The following RFTN2 variants were observed in gnomAD, a reference collection of about 807,000 sequenced individuals.
The protein encoded by RFTN2 is raftlin family member 2.
RFTN2 carries 34 observed loss-of-function variants against 52.7 expected under a neutral mutation model. The observed-to-expected ratio is 0.64, with a 90% CI of 0.49 to 0.86. RFTN2 has a LOEUF of 0.86. Among genes scored for constraint, RFTN2 ranks in the 40% least tolerant of loss-of-function variants. The pLI is 0.00. For synonymous variants in RFTN2, 203 were observed against 217.7 expected, an observed-to-expected ratio of 0.93 and a Z score of 0.59; for missense variants, 536 against 600.1, an observed-to-expected ratio of 0.89 and a Z score of 1.12.
intron 7 of RFTN2, among the ~76,000 whole-genome samples, chr2:197,608,471 G>A (rs992151100): frequency 6.6e-6 from 1 of 151,446 alleles, no homozygotes; most frequent in African/African-American, 2.4e-5. Flanking sequence ...ACCACCACGC[G>A]CAGCTAATTT....
intron 4 of RFTN2, among the ~76,000 whole-genome samples, chr2:197,632,906 C>T (rs2088489948): frequency 6.6e-6 from 1 of 152,180 alleles, no homozygotes; most frequent in Non-Finnish European, 1.5e-5. Flanking sequence ...TTATTCTGTA[C>T]CAGGCACTGG....
chr2:197,602,543 C>T (rs1250470753), intron 7 of RFTN2, among the ~76,000 whole-genome samples: 1 of 144,068 alleles, frequency 6.9e-6, no homozygotes, highest in Non-Finnish European at 1.5e-5. Flanking sequence ...AAGCCAAGAT[C>T]TTTTTTTTTT....
At chr2:197,592,544 A>G (rs1225578299) in intron 8 of RFTN2, among the ~76,000 whole-genome samples, 1 of 152,246 alleles carries the variant, frequency 6.6e-6, no homozygotes, top group African/African-American at 2.4e-5. Flanking sequence ...CTATCAGCCC[A>G]TGAAATCTAT....
intron 5 of RFTN2, among the ~76,000 whole-genome samples, chr2:197,622,150 G>A (rs1456153224): frequency 2.6e-5 from 4 of 152,086 alleles, no homozygotes; most frequent in Non-Finnish European, 5.9e-5. Context: ...AACAGAGGTT[G>A]GTTCATGAAG....
chr2:197,658,451 TG>T (rs1222007639), intron 1 of RFTN2, among the ~76,000 whole-genome samples: 6 of 78,718 alleles, frequency 7.6e-5, no homozygotes, highest in Non-Finnish European at 1.4e-4. Flanking sequence ...TTTGTATTAT[TG>T]TTTTTTTTTT....
intron 1 of RFTN2, among the ~76,000 whole-genome samples, chr2:197,667,581 G>T (rs1019959889): frequency 2.0e-5 from 3 of 152,150 alleles, no homozygotes; most frequent in African/African-American, 7.2e-5. Context: ...TTTTTGAACT[G>T]CTTTTGTGGA....
chr2:197,666,238 C>T (rs2089055514), intron 1 of RFTN2, among the ~76,000 whole-genome samples: 1 of 152,138 alleles, frequency 6.6e-6, no homozygotes, highest in Non-Finnish European at 1.5e-5. Flanking sequence ...GTGTTTGCCA[C>T]CATGCCTAGC....
intron 8 of RFTN2, among the ~76,000 whole-genome samples, chr2:197,594,811 C>G (rs903881326): frequency 6.6e-6 from 1 of 152,172 alleles, no homozygotes; most frequent in African/African-American, 2.4e-5. Flanking sequence ...TACCTACTGA[C>G]CCAGCCAGCC....
chr2:197,669,323 A>G (rs1574757678), intron 1 of RFTN2, among the ~76,000 whole-genome samples: 1 of 149,272 alleles, frequency 6.7e-6, no homozygotes, highest in African/African-American at 2.5e-5. Context: ...GAGTATTTGT[A>G]TATCTTGTCT....
At chr2:197,639,964 G>A (rs556982059) in intron 3 of RFTN2, among the ~76,000 whole-genome samples, 75 of 152,030 alleles carry the variant, frequency 4.9e-4, no homozygotes, top group Admixed American at 1.0e-3. Flanking sequence ...TAACAGACAG[G>A]ACCCTCAGAT....
intron 1 of RFTN2, among the ~76,000 whole-genome samples, chr2:197,663,601 G>A (rs191137327): frequency 4.6e-5 from 7 of 152,216 alleles, no homozygotes; most frequent in African/African-American, 1.4e-4. Context: ...TAGGTTTTAC[G>A]GTTTGTTAGT....
chr2:197,617,051 A>C (rs1458792183), intron 6 of RFTN2, among the ~76,000 whole-genome samples: 2 of 152,210 alleles, frequency 1.3e-5, no homozygotes, highest in Non-Finnish European at 2.9e-5. Context: ...TGTGAAGGAC[A>C]ATGCTGTGTG....
At chr2:197,575,089 G>C (rs2087390067) in intron 8 of RFTN2, among the ~76,000 whole-genome samples, 3 of 152,114 alleles carry the variant, frequency 2.0e-5, no homozygotes, top group Admixed American at 2.0e-4. Flanking sequence ...TGAATCATGG[G>C]GGTGGGTCTT....
intron 3 of RFTN2, among the ~76,000 whole-genome samples, chr2:197,637,706 T>C (rs1472512063): frequency 6.6e-6 from 1 of 150,754 alleles, no homozygotes; most frequent in Non-Finnish European, 1.5e-5. Flanking sequence ...GATTCATTAA[T>C]TTTTTGAAGG....
intron 1 of RFTN2, among the ~76,000 whole-genome samples, chr2:197,663,942 A>G (rs1400422041): frequency 6.6e-6 from 1 of 152,096 alleles, no homozygotes; most frequent in Non-Finnish European, 1.5e-5. Context: ...ATTGCTATAT[A>G]CTACTTAGTA....
At chr2:197,587,659 GT>G (rs2087623929) in intron 8 of RFTN2, among the ~76,000 whole-genome samples, 1 of 152,128 alleles carries the variant, frequency 6.6e-6, no homozygotes, top group African/African-American at 2.4e-5. Context: ...CTGCACCCAG[GT>G]GATTAAAAAG....
intron 1 of RFTN2, among the ~76,000 whole-genome samples, chr2:197,662,057 A>G (rs2088984731): frequency 6.6e-6 from 1 of 152,096 alleles, no homozygotes; most frequent in Non-Finnish European, 1.5e-5. Flanking sequence ...TGGATGAATA[A>G]TTTGCAAATA....
At chr2:197,593,423 G>A (rs1242091444) in intron 8 of RFTN2, among the ~76,000 whole-genome samples, 3 of 152,056 alleles carry the variant, frequency 2.0e-5, no homozygotes, top group South Asian at 4.1e-4. Context: ...TATTTTTGGG[G>A]AATTAAAAAC....
At chr2:197,643,081 T>G (rs1050041932) in intron 3 of RFTN2, among the ~76,000 whole-genome samples, 1 of 152,168 alleles carries the variant, frequency 6.6e-6, no homozygotes, top group African/African-American at 2.4e-5. Context: ...TTTTCTTTGT[T>G]TTTATTATTG....
Sources: gnomAD v4.1 joint callset for allele counts (sites outside exome capture counted in the v4.1 genomes callset) on GRCh38, gnomAD v4.1.1 for gene constraint, MANE v1.5 for transcripts, NCBI Gene and HGNC (gene_info 2026-07-23, HGNC 2026-07-21) for gene names.